The following INPP4B variants were observed in gnomAD, a reference collection of about 807,000 sequenced individuals.
INPP4B encodes the protein inositol polyphosphate 4-phosphatase type II.
INPP4B carries 55 observed loss-of-function variants against 122.5 expected under a neutral mutation model. The ratio of observed to expected loss-of-function variants is 0.45; its 90% CI spans 0.36 to 0.56. The LOEUF (loss-of-function observed/expected upper bound fraction) is 0.56. INPP4B is among the 20% of genes least tolerant of loss of function. The probability of loss-of-function intolerance (pLI) is 0.00; values close to 1 mark genes in which losing one functional copy is unlikely to be tolerated. For synonymous variants in INPP4B, 403 were observed against 388.7 expected (o/e 1.04, Z -0.43); for missense variants, 1,000 against 1,097.7 (o/e 0.91, Z 1.26).
chr4:142,533,494 T>C (rs1157503918), intron 2 of INPP4B, among the ~76,000 whole-genome samples: 1 of 152,050 alleles, frequency 6.6e-6, no homozygotes, highest in Non-Finnish European at 1.5e-5. Flanking sequence ...AATGCTGAGC[T>C]TTATAATACA....
At chr4:142,256,944 C>T (rs534010238) in intron 11 of INPP4B, among the ~76,000 whole-genome samples, 2 of 152,228 alleles carry the variant, frequency 1.3e-5, no homozygotes, top group South Asian at 4.1e-4. Context: ...AACTTTGATG[C>T]AAAAATCCTC....
At chr4:142,076,878 GA>G (rs1289091923) in intron 25 of INPP4B, among the ~76,000 whole-genome samples, 1 of 151,626 alleles carries the variant, frequency 6.6e-6, no homozygotes, top group Non-Finnish European at 1.5e-5. Flanking sequence ...CAAAAACAAA[GA>G]AAAAAATAAG....
At chr4:142,781,936 T>C (rs1276819659) in intron 1 of INPP4B, among the ~76,000 whole-genome samples, 2 of 152,064 alleles carry the variant, frequency 1.3e-5, no homozygotes, top group Admixed American at 6.6e-5. Flanking sequence ...AAATGACTTA[T>C]TCTAACTTTT....
intron 23 of INPP4B, among the ~76,000 whole-genome samples, chr4:142,105,705 G>A (rs1011843395): frequency 6.6e-6 from 1 of 152,076 alleles, no homozygotes; most frequent in Admixed American, 6.6e-5. Context: ...TTTAAAAAGA[G>A]AATCAGTAAA....
chr4:142,547,778 T>C (rs1726963157), intron 2 of INPP4B, among the ~76,000 whole-genome samples: 2 of 152,168 alleles, frequency 1.3e-5, no homozygotes, highest in Admixed American at 6.5e-5. Flanking sequence ...TTTTATTGTA[T>C]TCTATTTTCT....
intron 25 of INPP4B, among the ~76,000 whole-genome samples, chr4:142,036,412 T>G (rs1423615914): frequency 6.6e-6 from 1 of 152,148 alleles, no homozygotes; most frequent in African/African-American, 2.4e-5. Flanking sequence ...CCACAATTTA[T>G]CAACATAATA....
chr4:142,796,482 A>G (rs1444231386), intron 1 of INPP4B, among the ~76,000 whole-genome samples: 1 of 152,038 alleles, frequency 6.6e-6, no homozygotes, highest in Non-Finnish European at 1.5e-5. Flanking sequence ...GCTCTGTGCT[A>G]AAGTCAGTAG....
intron 2 of INPP4B, among the ~76,000 whole-genome samples, chr4:142,539,615 T>C (rs1475306294): frequency 2.0e-5 from 3 of 152,072 alleles, no homozygotes; most frequent in African/African-American, 7.2e-5. Flanking sequence ...TCAAAGTTTC[T>C]TCTGTGGTTC....
intron 18 of INPP4B, among the ~76,000 whole-genome samples, chr4:142,136,553 C>T (rs747899999): frequency 6.6e-6 from 1 of 152,128 alleles, no homozygotes; most frequent in Non-Finnish European, 1.5e-5. Context: ...GCTTTGAAAG[C>T]TCAGGAATGA....
chr4:142,464,828 A>C (rs1399548346), intron 2 of INPP4B, among the ~76,000 whole-genome samples: 1 of 152,196 alleles, frequency 6.6e-6, no homozygotes, highest in African/African-American at 2.4e-5. Context: ...TTTTATTTTA[A>C]CACTTGAACA....
intron 2 of INPP4B, among the ~76,000 whole-genome samples, chr4:142,585,067 G>A (rs919912331): frequency 5.9e-5 from 9 of 152,240 alleles, no homozygotes; most frequent in Admixed American, 5.9e-4. Context: ...GTGTGTGGTG[G>A]TGGGGGAGGA....
chr4:142,436,342 A>G (rs1810512688), intron 3 of INPP4B, among the ~76,000 whole-genome samples: 1 of 152,170 alleles, frequency 6.6e-6, no homozygotes, highest in South Asian at 2.1e-4. Flanking sequence ...GCTCTGTAGA[A>G]TCCAGGCAGC....
At chr4:142,201,782 A>G (rs546977966) in intron 14 of INPP4B, among the ~76,000 whole-genome samples, 8 of 152,200 alleles carry the variant, frequency 5.3e-5, no homozygotes, top group Admixed American at 2.6e-4. Flanking sequence ...TTAAAATTCT[A>G]AAGTAACAAT....
Position 142,579,754 on chromosome 4 carries a change from T to C in INPP4B, c.-190-117028A>G, listed in dbSNP as rs528808852. On this transcript the variant is annotated intron_variant, in intron 2 of 25. Transcript: ENST00000262992. ...GACTAGAATTAAACTCTTAGCTCTC[T>C]TGTGTCTCCTGCTTGCTGACTCACT... 1.4e-3 allele frequency among the ~76,000 whole-genome samples: 210 copies of C among 151,632 alleles called. 1 individual carries two copies. The highest frequency in any genetic ancestry group is 6.8e-3 in the Middle Eastern group (2 of 294).
At chr4:142,623,846 A>G (rs1724696777) in intron 2 of INPP4B, among the ~76,000 whole-genome samples, 1 of 151,170 alleles carries the variant, frequency 6.6e-6, no homozygotes, top group Non-Finnish European at 1.5e-5. Flanking sequence ...GCGATAGTTT[A>G]CTGAGAATGA....
In INPP4B at chr4:142,811,142, G is replaced by A. The variant is rs149307062; in HGVS notation, c.-254+35067C>T. 2.5e-3 allele frequency among the ~76,000 whole-genome samples: 384 copies of A among 152,274 alleles called. 4 individuals carry two copies. The highest frequency in any genetic ancestry group is 0.019 in the East Asian group (96 of 5,180). On this transcript the variant is annotated intron_variant, in intron 1 of 25. Transcript: ENST00000262992. ...TGCAGCAGTAGAGGCTGAGATTGGG[G>A]CTCGATGCAGTGCTGGTGCAGATGT... is the stretch of plus-strand genomic sequence containing the variant.
intron 21 of INPP4B, among the ~76,000 whole-genome samples, chr4:142,114,819 G>T (rs1349161697): frequency 6.6e-6 from 1 of 151,634 alleles, no homozygotes; most frequent in Non-Finnish European, 1.5e-5. Flanking sequence ...TGATTTTTGT[G>T]TCATGTCTAA....
chr4:142,643,081 G>A (rs1750901070), intron 2 of INPP4B, among the ~76,000 whole-genome samples: 1 of 152,106 alleles, frequency 6.6e-6, no homozygotes. Flanking sequence ...TCTGTTATTG[G>A]TGTATAAGAA....
At chr4:142,141,295 G>T in intron 18 of INPP4B, among the ~76,000 whole-genome samples, 1 of 152,116 alleles carries the variant, frequency 6.6e-6, no homozygotes, top group East Asian at 1.9e-4. Flanking sequence ...CAGAGATATT[G>T]TAGATAAGCT....
Sources: allele counts gnomAD v4.1 joint callset (sites outside exome capture counted in the v4.1 genomes callset), GRCh38; gene constraint gnomAD v4.1.1; transcripts MANE v1.5; gene names NCBI Gene and HGNC (gene_info 2026-07-23, HGNC 2026-07-21).